Variants in SEC61A1 observed in about 807,000 individuals in gnomAD.
SEC61A1 encodes protein transport protein Sec61 subunit alpha isoform 1.
In SEC61A1, 15 loss-of-function variants were observed where a neutral mutation model predicts 55.2. That is an observed-to-expected ratio of 0.27 (90% CI 0.18 to 0.42). The LOEUF is 0.42. SEC61A1 is among the 10% of genes least tolerant of loss of function. The probability of loss-of-function intolerance (pLI) is 1.00; values close to 1 mark genes in which losing one functional copy is unlikely to be tolerated. For missense variants in SEC61A1, 284 were observed against 602.6 expected (o/e 0.47, Z 5.53); for synonymous variants, 247 against 234.0 (o/e 1.06, Z -0.51).
At chr3:128,057,126 A>C (rs755553921) in intron 5 of SEC61A1, among the ~76,000 whole-genome samples, 14 of 151,942 alleles carry the variant, frequency 9.2e-5, no homozygotes, top group African/African-American at 1.2e-4. Flanking sequence ...TGGAGACGGG[A>C]TTTCACTACA....
At chr3:128,056,115 T>C (rs769409036) in intron 4 of SEC61A1, among the ~76,000 whole-genome samples, 3 of 152,268 alleles carry the variant, frequency 2.0e-5, no homozygotes, top group Non-Finnish European at 2.9e-5. Flanking sequence ...ATCTTTTTCA[T>C]ATCTATAGGT....
chr3:128,054,617 T>C (rs1218542019), intron 2 of SEC61A1, among the ~76,000 whole-genome samples: 1 of 97,540 alleles, frequency 1.0e-5, no homozygotes, highest in Non-Finnish European at 2.2e-5. Context: ...AGTGCCTGCC[T>C]AGAAGTGTTT....
rs867442280 is a variant in SEC61A1, at chr3:128,056,946, T to A, written c.352+106T>A. The A allele has an allele frequency of 1.4e-3, 1,175 of 819,152 alleles. 18 individuals are homozygous for A. Among genetic ancestry groups the A allele is most frequent in the African/African-American group, 8.2e-3 (451 of 55,156 alleles). The allele number at this position is 819,152 out of a possible 1,614,324, so 50.7% of individuals were successfully genotyped here. ...TTTTTATTTATTTTTTATTTTTTTT[T>A]TTTTTTTTGAGATGGAGTCTTACTC... On this transcript the variant is annotated intron_variant, in intron 5 of 11. Coordinates refer to ENST00000243253, the MANE Select transcript of SEC61A1 (RefSeq NM_013336.4).
At chr3:128,061,824 T>C (rs1192532689) in intron 7 of SEC61A1, among the ~76,000 whole-genome samples, 1 of 152,072 alleles carries the variant, frequency 6.6e-6, no homozygotes, top group Non-Finnish European at 1.5e-5. Flanking sequence ...GTGACTGGCT[T>C]TTGGGGAGTG....
At position 128,052,505 on chromosome 3, in the gene SEC61A1, G is replaced by C. The variant is rs1422617098; in HGVS notation, c.-48G>C. 1.3e-6 allele frequency: 2 copies of C among 1,583,694 alleles called. No homozygotes were observed. The highest frequency in any genetic ancestry group is 2.7e-5 in the African/African-American group (2 of 74,412). ...GCCGCGGGCAGCGTCGCCTCACGCGGAGCAGAGCTGAGCTGAAGCGGGACC... is the reference window on the plus strand; with the variant it reads ...GCCGCGGGCAGCGTCGCCTCACGCGCAGCAGAGCTGAGCTGAAGCGGGACC... On this transcript the variant is annotated 5_prime_UTR_variant, in exon 1 of 12. Coordinates refer to ENST00000243253, the MANE Select transcript of SEC61A1 (RefSeq NM_013336.4).
chr3:128,063,382 G>A (rs541516699), intron 7 of SEC61A1, among the ~76,000 whole-genome samples: 5 of 152,350 alleles, frequency 3.3e-5, no homozygotes, highest in Middle Eastern at 6.8e-3. Flanking sequence ...CTGTCACCCA[G>A]GCTGGAGTGC....
intron 1 of SEC61A1, 100 bp from the exon 2 acceptor site, chr3:128,052,735 C>A: frequency 2.0e-6 from 3 of 1,491,270 alleles, no homozygotes; most frequent in Non-Finnish European, 2.8e-6. Context: ...GCTCCCCTGG[C>A]CCCTGCTCTC....
upstream of SEC61A1, chr3:128,051,979 G>A (rs1045965758): frequency 1.7e-6 from 2 of 1,182,540 alleles, no homozygotes; most frequent in Non-Finnish European, 2.4e-6. Flanking sequence ...CGGGCGCCGC[G>A]GTAGACGCTG....
chr3:128,067,276 C>T lies in SEC61A1; in HGVS notation c.975+125C>T. 2 of 1,290,282 alleles carry T rather than the reference C, an allele frequency of 1.6e-6. No homozygotes were observed. The highest frequency in any genetic ancestry group is 2.8e-5 in the South Asian group (2 of 72,538). 79.9% of individuals were successfully genotyped at this position (1,290,282 alleles called of 1,614,324 possible). On this transcript the variant is annotated intron_variant, in intron 9 of 11. Coordinates refer to ENST00000243253, the MANE Select transcript of SEC61A1 (RefSeq NM_013336.4). This position sits in a 1 kb window ranked among gnomAD's most constrained non-coding sequence, Gnocchi z 4.1. ...TCCATTGTGCCTTTTACAAATTCAG[C>T]ACATTAAATTATCTTTTCAGTAAAA...
intron 2 of SEC61A1, among the ~76,000 whole-genome samples, chr3:128,053,657 T>C (rs1421779509): frequency 1.3e-5 from 2 of 152,218 alleles, no homozygotes; most frequent in Non-Finnish European, 1.5e-5. Flanking sequence ...CGTAAAATAG[T>C]TTCATATAAA....
At chr3:128,055,607 TG>T (rs1941759240) in intron 3 of SEC61A1, 26 bp downstream of exon 3, 2 of 1,610,760 alleles carry the variant, frequency 1.2e-6, no homozygotes, top group Non-Finnish European at 1.7e-6. Flanking sequence ...TATTTCGTAT[TG>T]GGGAGGGGGA....
At chr3:128,061,266 G>C (rs563275338) in intron 7 of SEC61A1, among the ~76,000 whole-genome samples, 1 of 152,342 alleles carries the variant, frequency 6.6e-6, no homozygotes, top group Admixed American at 6.5e-5. Context: ...ATTACATGAT[G>C]CCTGGCTCCT....
chr3:128,060,580 A>G lies in SEC61A1; in HGVS notation c.535A>G (p.Ile179Val). 6.2e-7 allele frequency: 1 copy of G among 1,614,070 alleles called. No individual in the cohort carries two copies. The highest frequency in any genetic ancestry group is 8.5e-7 in the Non-Finnish European group (1 of 1,179,974). ...LQKGYGLGSGISLFIATNICE... is the reference protein window; with the variant it reads ...LQKGYGLGSGVSLFIATNICE... The stretch of plus-strand genomic sequence containing the variant: ...AAAAGGATATGGCCTTGGCTCTGGT[A>G]TTTCTCTCTTCATTGCAACTAACAT... Residue 179 changes from isoleucine (I) to valine (V), a missense_variant, in exon 7 of 12, where the codon ATT becomes GTT. Physicochemically the swap from Ile to Val is conservative, Grantham distance 29. Coordinates refer to ENST00000243253, the MANE Select transcript of SEC61A1 (RefSeq NM_013336.4).
chr3:128,062,665 G>C (rs1031190572), intron 7 of SEC61A1, among the ~76,000 whole-genome samples: 1 of 152,204 alleles, frequency 6.6e-6, no homozygotes, highest in African/African-American at 2.4e-5. Context: ...ATCTCGGAAT[G>C]GTCCAGGAAG....
At chr3:128,063,126 G>A (rs1358954670) in intron 7 of SEC61A1, among the ~76,000 whole-genome samples, 1 of 152,060 alleles carries the variant, frequency 6.6e-6, no homozygotes, top group South Asian at 2.1e-4. Context: ...TATTTTGGTT[G>A]AATAGAAGCT....
At chr3:128,066,345 A>T (rs1941977151) in intron 8 of SEC61A1, among the ~76,000 whole-genome samples, 1 of 151,828 alleles carries the variant, frequency 6.6e-6, no homozygotes, top group African/African-American at 2.4e-5. Context: ...TTCCACACAG[A>T]TGTGGATGTA....
rs1011444774 is a variant in SEC61A1, at chr3:128,067,655, AC to A, written c.1167+44del. 6.7e-7 allele frequency: 1 copy of A among 1,485,018 alleles called. No individual in the cohort carries two copies. Among genetic ancestry groups the A allele is most frequent in the Admixed American group, 1.7e-5 (1 of 57,192 alleles). 92.0% of individuals were successfully genotyped at this position (1,485,018 alleles called of 1,614,324 possible). ...TTTCTGGAAGGGTGATGAAAGTGTGACTGGTATAAGGGGTGTGGACTTGTCA... is the reference window on the plus strand; with the variant it reads ...TTTCTGGAAGGGTGATGAAAGTGTGATGGTATAAGGGGTGTGGACTTGTCA... On this transcript the variant is annotated intron_variant, in intron 10 of 11. Transcript: ENST00000243253. The surrounding 1 kb of genome is among the most constrained non-coding windows in gnomAD (Gnocchi z 4.1).
rs151220386 is a variant in SEC61A1, at chr3:128,056,746, G to A, written c.258G>A (p.Thr86=). Residue 86 remains threonine, a synonymous_variant, in exon 5 of 12, where the codon ACG becomes ACA. Transcript: ENST00000243253. Reference sequence around the variant, plus strand: ...AGCTAGGGATCTCTCCTATTGTCACGTCTGGCCTTATAATGCAACTCTTGG... The same window carrying A: ...AGCTAGGGATCTCTCCTATTGTCACATCTGGCCTTATAATGCAACTCTTGG... ...LMELGISPIV[T]SGLIMQLLAG... is the part of the protein sequence containing the mutation. 35 of 1,609,060 alleles carry A rather than the reference G, an allele frequency of 2.2e-5. No individual in the cohort carries two copies. Among genetic ancestry groups the A allele is most frequent in the Admixed American group, 1.0e-4 (6 of 59,022 alleles).
chr3:128,052,618 A>G (rs1941705260), intron 1 of SEC61A1, 59 bp downstream of exon 1: 2 of 1,560,358 alleles, frequency 1.3e-6, no homozygotes, highest in South Asian at 2.3e-5. Flanking sequence ...CCTTCCCCAC[A>G]CCCGTGCGGT....
Sources: allele counts gnomAD v4.1 joint callset (sites outside exome capture counted in the v4.1 genomes callset), GRCh38; gene constraint gnomAD v4.1.1; non-coding constraint Gnocchi (gnomAD v3.1); transcripts MANE v1.5; gene names NCBI Gene and HGNC (gene_info 2026-07-23, HGNC 2026-07-21).